BTG4: variants seen among roughly 807,000 people sequenced by gnomAD.
The protein encoded by BTG4 is BTG anti-proliferation factor 4, also known as protein BTG4.
A neutral mutation model predicts 19.3 loss-of-function variants in BTG4; 10 were observed. The ratio of observed to expected loss-of-function variants is 0.52; its 90% CI spans 0.32 to 0.88. BTG4 has a LOEUF of 0.88. Among genes scored for constraint, BTG4 ranks in the 40% least tolerant of loss-of-function variants. The probability of loss-of-function intolerance (pLI) is 0.04; values close to 1 mark genes in which losing one functional copy is unlikely to be tolerated. For missense variants in BTG4, 238 were observed against 281.9 expected (o/e 0.84, Z 1.11); for synonymous variants, 91 against 95.7 (o/e 0.95, Z 0.29).
At chr11:111,432,104 A>G in the BTG4 span, among the ~76,000 whole-genome samples, 4 of 152,238 alleles carry the variant, frequency 2.6e-5, no homozygotes, top group Non-Finnish European at 4.4e-5. Flanking sequence ...GATTCATTCA[A>G]CAAACATTTA....
the BTG4 span, chr11:111,454,999 C>G: frequency 1.3e-5 from 6 of 456,368 alleles, no homozygotes; most frequent in Non-Finnish European, 2.2e-5. Context: ...GGGTGAAGCC[C>G]GTTCTCTCCA....
chr11:111,445,887 G>C, the BTG4 span, among the ~76,000 whole-genome samples: 2 of 152,036 alleles, frequency 1.3e-5, no homozygotes, highest in Non-Finnish European at 2.9e-5. Context: ...TACTACTCTC[G>C]CCAGTTGGAG....
At chr11:111,388,184 C>T in the BTG4 span, among the ~76,000 whole-genome samples, 337 of 152,242 alleles carry the variant, frequency 2.2e-3, 1 homozygote, top group Non-Finnish European at 3.9e-3. Context: ...TAGAGAATTT[C>T]CATCTAAATT....
At chr11:111,419,918 G>A in the BTG4 span, among the ~76,000 whole-genome samples, 3 of 152,254 alleles carry the variant, frequency 2.0e-5, no homozygotes, top group Non-Finnish European at 4.4e-5. Flanking sequence ...TGAGCTTCTA[G>A]ATGAACCAAC....
At chr11:111,451,824 C>G in the BTG4 span, among the ~76,000 whole-genome samples, 1 of 152,168 alleles carries the variant, frequency 6.6e-6, no homozygotes, top group African/African-American at 2.4e-5. Context: ...GAAGGAGATG[C>G]CCTGATGTCC....
chr11:111,458,507 A>C, the BTG4 span, among the ~76,000 whole-genome samples: 1 of 152,154 alleles, frequency 6.6e-6, no homozygotes, highest in African/African-American at 2.4e-5. Context: ...AAACACCACC[A>C]ACAGGTGCTA....
At chr11:111,454,786 C>A in the BTG4 span, among the ~76,000 whole-genome samples, 1 of 138,426 alleles carries the variant, frequency 7.2e-6, no homozygotes, top group Non-Finnish European at 1.5e-5. Flanking sequence ...TGGGACGAGC[C>A]AGTGTCTGTC....
At chr11:111,426,222 G>A in the BTG4 span, among the ~76,000 whole-genome samples, 1 of 151,946 alleles carries the variant, frequency 6.6e-6, no homozygotes, top group South Asian at 2.1e-4. Context: ...CCAGAGAGAG[G>A]TGAGAATTGC....
At chr11:111,435,691 G>A in the BTG4 span, among the ~76,000 whole-genome samples, 1 of 152,174 alleles carries the variant, frequency 6.6e-6, no homozygotes, top group African/African-American at 2.4e-5. Flanking sequence ...AGGGGGAAAC[G>A]TAGATCCCCA....
the BTG4 span, among the ~76,000 whole-genome samples, chr11:111,433,623 C>A: frequency 1.3e-5 from 2 of 152,180 alleles, no homozygotes; most frequent in African/African-American, 4.8e-5. Flanking sequence ...AGGCAACCTA[C>A]AGAATGGGAG....
intron 5 of BTG4, among the ~76,000 whole-genome samples, chr11:111,476,489 A>C (rs1355608690): frequency 6.6e-6 from 1 of 152,178 alleles, no homozygotes; most frequent in Non-Finnish European, 1.5e-5. Flanking sequence ...GGATTTTTAA[A>C]TCAAGCTATC....
the BTG4 span, among the ~76,000 whole-genome samples, chr11:111,409,331 C>T: frequency 1.3e-5 from 2 of 152,160 alleles, no homozygotes; most frequent in Non-Finnish European, 2.9e-5. Flanking sequence ...CTAATAGGAG[C>T]TGGTGAGTCA....
chr11:111,406,048 A>G, the BTG4 span, among the ~76,000 whole-genome samples: 1 of 152,250 alleles, frequency 6.6e-6, no homozygotes, highest in Non-Finnish European at 1.5e-5. Context: ...CTCCCAACAA[A>G]TCTGTGTAAC....
Position 111,497,275 on chromosome 11 carries a change from T to G in BTG4, c.446A>C (p.Glu149Ala). 6.2e-7 allele frequency: 1 copy of G among 1,612,554 alleles called. No homozygotes were observed. Among genetic ancestry groups the G allele is most frequent in the Non-Finnish European group, 8.5e-7 (1 of 1,179,426 alleles). ...SDVSSGTSCD[E>A]ESCSKEPRVI... ...ACGAGGTTCCTTGCTACAACTTTCT[T>G]CATCGCAGGAAGTGCCAGAGGAAAC... is the stretch of plus-strand genomic sequence containing the variant. Residue 149 changes from glutamate to alanine, a missense_variant, in exon 4 of 5, where the codon GAA becomes GCA. Transcript: ENST00000692032.
At chr11:111,434,438 C>T in the BTG4 span, among the ~76,000 whole-genome samples, 2 of 152,104 alleles carry the variant, frequency 1.3e-5, no homozygotes, top group Non-Finnish European at 2.9e-5. Flanking sequence ...GGGAGAAATA[C>T]TTAATGTAAA....
the BTG4 span, among the ~76,000 whole-genome samples, chr11:111,461,686 C>A: frequency 6.6e-6 from 1 of 152,080 alleles, no homozygotes; most frequent in African/African-American, 2.4e-5. Flanking sequence ...TGCCCTCCAG[C>A]CTCAGCAACA....
At chr11:111,384,798 A>G in the BTG4 span, 1 of 152,194 alleles carries the variant, frequency 6.6e-6, no homozygotes, top group East Asian at 1.9e-4. Flanking sequence ...GAGAAAATTC[A>G]TCCATAACAA....
At chr11:111,432,645 A>G in the BTG4 span, among the ~76,000 whole-genome samples, 1 of 139,694 alleles carries the variant, frequency 7.2e-6, no homozygotes, top group East Asian at 2.0e-4. Context: ...CTCCATCTCA[A>G]AAAAATAAAG....
the BTG4 span, among the ~76,000 whole-genome samples, chr11:111,437,227 C>T: frequency 6.6e-6 from 1 of 152,048 alleles, no homozygotes; most frequent in South Asian, 2.1e-4. Flanking sequence ...CACTACACCC[C>T]CTCAGAGCCC....
Sources: allele counts gnomAD v4.1 joint callset (sites outside exome capture counted in the v4.1 genomes callset), GRCh38; gene constraint gnomAD v4.1.1; transcripts MANE v1.5; gene names NCBI Gene and HGNC (gene_info 2026-07-23, HGNC 2026-07-21).